FAR2: variants seen among roughly 807,000 people sequenced by gnomAD.
FAR2 encodes epididymis secretory protein Li 81.
Under a neutral mutation model 56.0 loss-of-function variants are expected in FAR2, and 19 were observed. The observed-to-expected ratio is 0.34, with a 90% CI of 0.24 to 0.50. The LOEUF (loss-of-function observed/expected upper bound fraction) is 0.50. Among genes scored for constraint, FAR2 ranks in the 20% least tolerant of loss-of-function variants. The pLI is 0.98. For missense variants in FAR2, 508 were observed against 642.2 expected (o/e 0.79, Z 2.26); for synonymous variants, 219 against 218.8 (o/e 1.00, Z -0.01).
intron 1 of FAR2, among the ~76,000 whole-genome samples, chr12:29,260,172 A>AT (rs1045020915): frequency 3.9e-5 from 6 of 152,198 alleles, no homozygotes; most frequent in Non-Finnish European, 7.3e-5. Context: ...AGGGAGCCAA[A>AT]TTTTTGCCAT....
chr12:29,234,432 CCT>C lies in FAR2; in HGVS notation c.-38-35979_-38-35978del, dbSNP rs1271376428. On this transcript the variant is annotated intron_variant, in intron 1 of 11. Coordinates refer to ENST00000536681, the MANE Select transcript of FAR2 (RefSeq NM_001271783.2). The stretch of plus-strand genomic sequence containing the variant: ...TAGTCACAAAGTCCTGATGTTTTTG[CCT>C]TCTTCTTATTAAATTTCTGTCCCTT... Among the ~76,000 whole-genome samples, 503 of 152,172 alleles carry C rather than the reference CCT, an allele frequency of 3.3e-3. 2 individuals carry two copies. The highest frequency in any genetic ancestry group is 0.017 in the Admixed American group (256 of 15,246).
chr12:29,243,791 T>TA (rs2136667372), intron 1 of FAR2, among the ~76,000 whole-genome samples: 2 of 152,340 alleles, frequency 1.3e-5, no homozygotes, highest in South Asian at 4.1e-4. Context: ...AGGGCTCTAG[T>TA]AAGTCTTTAA....
intron 9 of FAR2, among the ~76,000 whole-genome samples, chr12:29,318,974 CTTTT>C (rs35945379): frequency 6.7e-6 from 1 of 148,830 alleles, no homozygotes; most frequent in Non-Finnish European, 1.5e-5. Flanking sequence ...GTACAAAAGT[CTTTT>C]TTTTTTCTTT....
At chr12:29,256,907 C>T (rs1591898755) in intron 1 of FAR2, among the ~76,000 whole-genome samples, 2 of 152,256 alleles carry the variant, frequency 1.3e-5, no homozygotes, top group Non-Finnish European at 2.9e-5. Context: ...CTGCAGCCTG[C>T]CATGCCTAAG....
chr12:29,149,900 G>C (rs1949668244), intron 1 of FAR2, among the ~76,000 whole-genome samples: 1 of 152,166 alleles, frequency 6.6e-6, no homozygotes, highest in Admixed American at 6.5e-5. Context: ...GGGACCGCCA[G>C]GGCGCCCAGT....
chr12:29,210,378 A>G (rs544791342), intron 1 of FAR2, among the ~76,000 whole-genome samples: 2 of 152,334 alleles, frequency 1.3e-5, no homozygotes, highest in South Asian at 4.1e-4. Flanking sequence ...GCAAGTGTCT[A>G]TTTCAAGACT....
intron 9 of FAR2, among the ~76,000 whole-genome samples, chr12:29,318,463 A>T: frequency 6.6e-6 from 1 of 152,218 alleles, no homozygotes; most frequent in East Asian, 1.9e-4. Context: ...GAAGGAAGAG[A>T]CACAATAAAA....
intron 2 of FAR2, among the ~76,000 whole-genome samples, chr12:29,278,091 C>G (rs950525262): frequency 6.6e-6 from 1 of 151,786 alleles, no homozygotes; most frequent in East Asian, 1.9e-4. Context: ...ACTGCCAAAG[C>G]TGGCTAATTT....
intron 1 of FAR2, among the ~76,000 whole-genome samples, chr12:29,212,484 A>G (rs983537223): frequency 6.6e-6 from 1 of 152,006 alleles, no homozygotes; most frequent in Admixed American, 6.6e-5. Context: ...GCTATCTTTT[A>G]TCTCCTTTTC....
At chr12:29,301,976 G>T (rs896989741) in intron 4 of FAR2, 1 of 152,252 alleles carries the variant, frequency 6.6e-6, no homozygotes, top group African/African-American at 2.4e-5. Context: ...GCTCAAGCCT[G>T]TAATCCCAGC....
chr12:29,255,689 A>G (rs1163319378), intron 1 of FAR2, among the ~76,000 whole-genome samples: 1 of 151,950 alleles, frequency 6.6e-6, no homozygotes, highest in African/African-American at 2.4e-5. Context: ...CAATAGCACA[A>G]TCTCAGCTCA....
chr12:29,172,834 T>C (rs1949901633), intron 1 of FAR2, among the ~76,000 whole-genome samples: 1 of 152,208 alleles, frequency 6.6e-6, no homozygotes, highest in Non-Finnish European at 1.5e-5. Flanking sequence ...TTTTTCCTAA[T>C]TCTTAGTCCT....
At chr12:29,187,523 G>C (rs1950055562) in intron 1 of FAR2, among the ~76,000 whole-genome samples, 1 of 152,074 alleles carries the variant, frequency 6.6e-6, no homozygotes, top group African/African-American at 2.4e-5. Context: ...GTACATGTCA[G>C]GTTTAGATCA....
At chr12:29,230,643 C>A (rs889217789) in intron 1 of FAR2, among the ~76,000 whole-genome samples, 1 of 151,860 alleles carries the variant, frequency 6.6e-6, no homozygotes, top group African/African-American at 2.4e-5. Context: ...CAGTTTGGTA[C>A]AAGCAGAGAT....
chr12:29,194,515 G>C (rs1173438313), intron 1 of FAR2, among the ~76,000 whole-genome samples: 4 of 112,916 alleles, frequency 3.5e-5, no homozygotes, highest in Admixed American at 2.1e-4. Flanking sequence ...TTCCAGGCTA[G>C]TGATGCCACA....
intron 1 of FAR2, among the ~76,000 whole-genome samples, chr12:29,153,669 G>C (rs1173518373): frequency 6.6e-6 from 1 of 152,188 alleles, no homozygotes; most frequent in East Asian, 1.9e-4. Flanking sequence ...AGGGATAAAG[G>C]ATTGGAGGTA....
intron 1 of FAR2, among the ~76,000 whole-genome samples, chr12:29,187,031 G>A (rs1434542837): frequency 2.0e-5 from 3 of 152,098 alleles, no homozygotes; most frequent in East Asian, 1.9e-4. Flanking sequence ...CTCGTGATCC[G>A]CCCACCTCGG....
intron 1 of FAR2, among the ~76,000 whole-genome samples, chr12:29,195,914 C>T (rs1950139944): frequency 6.6e-6 from 1 of 152,098 alleles, no homozygotes; most frequent in Non-Finnish European, 1.5e-5. Context: ...TCCATGTGTA[C>T]ACATTATTTA....
intron 8 of FAR2, among the ~76,000 whole-genome samples, chr12:29,314,601 C>A (rs1372902781): frequency 7.9e-5 from 12 of 152,028 alleles, no homozygotes; most frequent in Non-Finnish European, 4.4e-5. Flanking sequence ...CCTTTCCTAA[C>A]CCAGCCTCAC....
Sources: allele counts gnomAD v4.1 joint callset (sites outside exome capture counted in the v4.1 genomes callset), GRCh38; gene constraint gnomAD v4.1.1; transcripts MANE v1.5; gene names NCBI Gene and HGNC (gene_info 2026-07-23, HGNC 2026-07-21).